HTR2C: variants seen among roughly 807,000 people sequenced by gnomAD.
HTR2C encodes 5-hydroxytryptamine (serotonin) receptor 2C, G protein-coupled.
HTR2C carries 5 observed loss-of-function variants against 21.0 expected under a neutral mutation model. That is an observed-to-expected ratio of 0.24 (90% CI 0.12 to 0.50). HTR2C has a LOEUF of 0.50. HTR2C is among the 20% of genes least tolerant of loss of function. The pLI, the probability that HTR2C is intolerant of heterozygous loss-of-function variation, is 0.98. For missense variants in HTR2C, 271 were observed against 371.2 expected (o/e 0.73, Z 2.22); for synonymous variants, 150 against 145.3 (o/e 1.03, Z -0.23).
At chrX:114,745,766 C>T (rs2069696752) in intron 4 of HTR2C, among the ~76,000 whole-genome samples, 1 of 110,537 alleles carries the variant, frequency 9.0e-6, no homozygotes. Flanking sequence ...CAATTGAACC[C>T]ATTGAGATAG....
chrX:114,605,104 T>A (rs1928347756), intron 1 of HTR2C, among the ~76,000 whole-genome samples: 2 of 111,307 alleles, frequency 1.8e-5, no homozygotes, highest in South Asian at 7.4e-4. Flanking sequence ...TGGGCTGGAT[T>A]TTTATATTTG....
chrX:114,794,740 T>C (rs1556444674), intron 4 of HTR2C, among the ~76,000 whole-genome samples: 2 of 109,323 alleles, frequency 1.8e-5, no homozygotes, highest in Admixed American at 9.8e-5. Flanking sequence ...TATTCCATGG[T>C]GTATATGTGC....
At chrX:114,760,670 C>T (rs782096365) in intron 4 of HTR2C, among the ~76,000 whole-genome samples, 18 of 111,047 alleles carry the variant, frequency 1.6e-4, no homozygotes, top group African/African-American at 5.6e-4. Context: ...GCATGTGACA[C>T]CATGCTCTGC....
At chrX:114,906,419 A>T (rs1180961223) in intron 5 of HTR2C, among the ~76,000 whole-genome samples, 170 bp from the exon 6 acceptor site, 1 of 111,900 alleles carries the variant, frequency 8.9e-6, no homozygotes, top group Non-Finnish European at 1.9e-5. Flanking sequence ...TCATTTTCTG[A>T]TGCCATACTG....
intron 4 of HTR2C, among the ~76,000 whole-genome samples, chrX:114,809,289 C>T (rs1556451904): frequency 9.1e-6 from 1 of 109,967 alleles, no homozygotes; most frequent in African/African-American, 3.3e-5. Flanking sequence ...ACCCCATGCA[C>T]GTGACGAGTA....
At chrX:114,823,322 C>A (rs2070651195) in intron 4 of HTR2C, 2 of 309,318 alleles carry the variant, frequency 6.5e-6, no homozygotes, top group South Asian at 5.8e-5. Flanking sequence ...TAATCACAAC[C>A]AGTTCATCAG....
At chrX:114,642,940 A>G (rs1930195656) in intron 2 of HTR2C, among the ~76,000 whole-genome samples, 1 of 111,733 alleles carries the variant, frequency 8.9e-6, no homozygotes, top group African/African-American at 3.2e-5. Flanking sequence ...ATCTTCCAAC[A>G]TTTTGCATAT....
intron 5 of HTR2C, among the ~76,000 whole-genome samples, chrX:114,855,280 C>A (rs1236875323): frequency 9.0e-6 from 1 of 111,299 alleles, no homozygotes; most frequent in African/African-American, 3.3e-5. Context: ...TACTTTACTT[C>A]AGTACTTCAC....
chrX:114,680,330 G>A (rs868977080), intron 2 of HTR2C, among the ~76,000 whole-genome samples: 1 of 112,093 alleles, frequency 8.9e-6, no homozygotes, highest in Non-Finnish European at 1.9e-5. Context: ...GTGTTTTTCC[G>A]GCGGAGCCTG....
chrX:114,731,056 T>A (rs1413602362), intron 3 of HTR2C, among the ~76,000 whole-genome samples: 2 of 111,643 alleles, frequency 1.8e-5, no homozygotes, highest in East Asian at 5.6e-4. Context: ...TACATATATG[T>A]TTCAGCAAAC....
chrX:114,761,585 C>T (rs1160473323), intron 4 of HTR2C, among the ~76,000 whole-genome samples: 2 of 110,901 alleles, frequency 1.8e-5, no homozygotes, highest in Non-Finnish European at 1.9e-5. Context: ...ACTCATTTAA[C>T]TCTTCCAAAC....
intron 1 of HTR2C, among the ~76,000 whole-genome samples, chrX:114,611,150 A>G (rs1323214651): frequency 8.9e-6 from 1 of 111,919 alleles, no homozygotes; most frequent in Non-Finnish European, 1.9e-5. Flanking sequence ...TTCTTCGTGA[A>G]TAAATGGCAT....
Position 114,635,267 on chromosome X carries a change from T to C in HTR2C, c.-80+21386T>C, listed in dbSNP as rs1291062426. Among the ~76,000 whole-genome samples, 3 of 112,219 alleles carry C rather than the reference T, an allele frequency of 2.7e-5. No individual in the cohort carries two copies. The Admixed American group carries it at 2.8e-4, about 11-fold the overall frequency. ...GCCAAATGTGTTTTTTATTAAAAGCTTCAATTTTTGGTATAGCCAGTAAAC... is the reference window on the plus strand; with the variant it reads ...GCCAAATGTGTTTTTTATTAAAAGCCTCAATTTTTGGTATAGCCAGTAAAC... On this transcript the variant is annotated intron_variant, in intron 2 of 5. Transcript: ENST00000276198.
intron 5 of HTR2C, among the ~76,000 whole-genome samples, chrX:114,854,340 T>G (rs2070941968): frequency 9.0e-6 from 1 of 111,559 alleles, no homozygotes; most frequent in Admixed American, 9.6e-5. Context: ...ACATAAATAA[T>G]TAGCTCTATT....
At chrX:114,686,757 A>G (rs1448866013) in intron 2 of HTR2C, among the ~76,000 whole-genome samples, 1 of 110,994 alleles carries the variant, frequency 9.0e-6, no homozygotes, top group African/African-American at 3.3e-5. Flanking sequence ...CAATGGATAT[A>G]ACTGTAAAAT....
At chrX:114,620,307 CCT>C (rs1246905007) in intron 2 of HTR2C, among the ~76,000 whole-genome samples, 3 of 111,976 alleles carry the variant, frequency 2.7e-5, no homozygotes, top group African/African-American at 9.7e-5. Flanking sequence ...TTTCACTTGC[CCT>C]GTTTCATGCA....
chrX:114,727,487 G>A (rs1556422336), intron 3 of HTR2C, among the ~76,000 whole-genome samples: 2 of 111,840 alleles, frequency 1.8e-5, no homozygotes, highest in Admixed American at 1.9e-4. Context: ...ACAACATAAA[G>A]GGTGTAGGTA....
intron 4 of HTR2C, among the ~76,000 whole-genome samples, chrX:114,834,201 T>C (rs1290379860): frequency 9.0e-6 from 1 of 110,692 alleles, no homozygotes; most frequent in African/African-American, 3.3e-5. Context: ...GAGAGTTCTG[T>C]AGATGTCTAT....
At chrX:114,594,089 ATAAG>A (rs1172235135) in intron 1 of HTR2C, among the ~76,000 whole-genome samples, 3 of 111,688 alleles carry the variant, frequency 2.7e-5, no homozygotes, top group Non-Finnish European at 3.8e-5. Context: ...GCTATTAATA[ATAAG>A]TAACATTCAT....
Sources: gnomAD v4.1 joint callset for allele counts (sites outside exome capture counted in the v4.1 genomes callset) on GRCh38, gnomAD v4.1.1 for gene constraint, MANE v1.5 for transcripts, NCBI Gene and HGNC (gene_info 2026-07-23, HGNC 2026-07-21) for gene names.